NR6A1: variants seen among roughly 807,000 people sequenced by gnomAD.
The protein encoded by NR6A1 is retinoic acid receptor-related testis-associated receptor.
In NR6A1, 7 loss-of-function variants were observed where a neutral mutation model predicts 59.1. That is an observed-to-expected ratio of 0.12 (90% CI 0.07 to 0.22). The LOEUF is 0.22. Ranked by LOEUF, NR6A1 falls within the 10% of genes least tolerant of loss-of-function variation. The probability of loss-of-function intolerance (pLI) is 1.00; values close to 1 mark genes in which losing one functional copy is unlikely to be tolerated. For synonymous variants in NR6A1, 243 were observed against 236.1 expected (o/e 1.03, Z -0.27); for missense variants, 468 against 611.6 (o/e 0.77, Z 2.48).
intron 2 of NR6A1, among the ~76,000 whole-genome samples, chr9:124,616,421 A>G (rs1002476366): frequency 3.6e-4 from 54 of 148,708 alleles, no homozygotes; most frequent in Admixed American, 2.9e-3. Flanking sequence ...AAAAAAAAAA[A>G]GAAAAGAACT....
intron 2 of NR6A1, among the ~76,000 whole-genome samples, chr9:124,659,208 G>A (rs765541015): frequency 6.6e-6 from 1 of 151,496 alleles, no homozygotes; most frequent in South Asian, 2.1e-4. Context: ...ACAAAGGCAC[G>A]AGCCAAAACC....
chr9:124,677,634 A>G (rs1387016629), intron 2 of NR6A1, among the ~76,000 whole-genome samples: 1 of 152,080 alleles, frequency 6.6e-6, no homozygotes, highest in African/African-American at 2.4e-5. Flanking sequence ...AAGTTTTCTC[A>G]TATGTATTAT....
At chr9:124,757,714 C>T (rs563661866) in intron 1 of NR6A1, among the ~76,000 whole-genome samples, 35 of 152,326 alleles carry the variant, frequency 2.3e-4, no homozygotes, top group African/African-American at 8.2e-4. Flanking sequence ...TACGATGCAG[C>T]TGTATCTTTC....
chr9:124,760,503 C>T (rs1840759663), intron 1 of NR6A1, among the ~76,000 whole-genome samples: 1 of 152,082 alleles, frequency 6.6e-6, no homozygotes, highest in South Asian at 2.1e-4. Flanking sequence ...CTATGCTTGG[C>T]AATTTACAGA....
intron 2 of NR6A1, among the ~76,000 whole-genome samples, chr9:124,609,346 C>A (rs1458321568): frequency 6.6e-6 from 1 of 152,176 alleles, no homozygotes; most frequent in Admixed American, 6.5e-5. Context: ...GTTCTCCCAG[C>A]ATCATTTATT....
At chr9:124,574,834 A>T (rs1309285072) in intron 2 of NR6A1, among the ~76,000 whole-genome samples, 1 of 152,248 alleles carries the variant, frequency 6.6e-6, no homozygotes, top group Non-Finnish European at 1.5e-5. Context: ...ACTACGTTTT[A>T]AATGAATGCA....
chr9:124,675,305 ATCTG>A (rs950285095), intron 2 of NR6A1, among the ~76,000 whole-genome samples: 8 of 152,374 alleles, frequency 5.3e-5, no homozygotes, highest in African/African-American at 1.9e-4. Flanking sequence ...ATTGTAATTT[ATCTG>A]TCTAAGAGTC....
At chr9:124,680,952 G>A (rs906750398) in intron 2 of NR6A1, among the ~76,000 whole-genome samples, 1 of 152,210 alleles carries the variant, frequency 6.6e-6, no homozygotes, top group Admixed American at 6.5e-5. Context: ...AGTAGTCACT[G>A]TATTTGTCAC....
At chr9:124,611,039 G>A (rs1333268578) in intron 2 of NR6A1, among the ~76,000 whole-genome samples, 1 of 152,066 alleles carries the variant, frequency 6.6e-6, no homozygotes, top group East Asian at 1.9e-4. Context: ...CCATTCAGTA[G>A]TTTAGCCTTC....
chr9:124,728,454 T>C (rs1839789448), intron 2 of NR6A1, among the ~76,000 whole-genome samples: 1 of 151,774 alleles, frequency 6.6e-6, no homozygotes, highest in African/African-American at 2.4e-5. Flanking sequence ...GCCAAGATGG[T>C]GAAACCCCAT....
At chr9:124,589,497 A>ATG (rs1222682474) in intron 2 of NR6A1, among the ~76,000 whole-genome samples, 1 of 152,232 alleles carries the variant, frequency 6.6e-6, no homozygotes, top group African/African-American at 2.4e-5. Context: ...ATAAATGCAT[A>ATG]TGATAGTGTA....
At chr9:124,696,794 C>A (rs965575809) in intron 2 of NR6A1, among the ~76,000 whole-genome samples, 2 of 151,902 alleles carry the variant, frequency 1.3e-5, no homozygotes, top group Admixed American at 6.6e-5. Flanking sequence ...GTAGCTGGGA[C>A]CACAGGCACG....
intron 2 of NR6A1, among the ~76,000 whole-genome samples, chr9:124,609,443 T>C (rs567269162): frequency 6.6e-6 from 1 of 152,248 alleles, no homozygotes; most frequent in East Asian, 1.9e-4. Context: ...ATTTCTGAGT[T>C]CTCTATCCTG....
intron 2 of NR6A1, among the ~76,000 whole-genome samples, chr9:124,556,356 C>A (rs569587820): frequency 9.2e-5 from 14 of 152,140 alleles, no homozygotes; most frequent in South Asian, 2.1e-4. Context: ...CAAGGAATGA[C>A]GGCAGTCACC....
intron 1 of NR6A1, among the ~76,000 whole-genome samples, chr9:124,750,664 G>A (rs1031619486): frequency 6.6e-6 from 1 of 152,058 alleles, no homozygotes; most frequent in African/African-American, 2.4e-5. Flanking sequence ...GGAGGCTGAG[G>A]CAGGAGAATG....
At chr9:124,699,236 A>G (rs748912689) in intron 2 of NR6A1, among the ~76,000 whole-genome samples, 8 of 152,176 alleles carry the variant, frequency 5.3e-5, no homozygotes, top group Non-Finnish European at 1.2e-4. Context: ...TTCAGACAAG[A>G]TCCTCTCACT....
At chr9:124,556,752 C>T (rs760057092) in intron 2 of NR6A1, among the ~76,000 whole-genome samples, 9 of 152,240 alleles carry the variant, frequency 5.9e-5, no homozygotes, top group Middle Eastern at 3.4e-3. Flanking sequence ...TGAGCCACCA[C>T]GCCCGACCTG....
chr9:124,656,795 G>C (rs778347976), intron 2 of NR6A1, among the ~76,000 whole-genome samples: 1 of 152,190 alleles, frequency 6.6e-6, no homozygotes, highest in African/African-American at 2.4e-5. Context: ...CAGTGCCATT[G>C]CATCCCAGCT....
chr9:124,616,486 A>C (rs1017758483), intron 2 of NR6A1, among the ~76,000 whole-genome samples: 1 of 151,840 alleles, frequency 6.6e-6, no homozygotes, highest in Non-Finnish European at 1.5e-5. Flanking sequence ...ATTATAATAT[A>C]CTGAGGGGGT....
Sources: allele counts gnomAD v4.1 joint callset (sites outside exome capture counted in the v4.1 genomes callset), GRCh38; gene constraint gnomAD v4.1.1; transcripts MANE v1.5; gene names NCBI Gene and HGNC (gene_info 2026-07-23, HGNC 2026-07-21).